Variants in ZNF385D observed in about 807,000 individuals in gnomAD.
ZNF385D encodes zinc finger protein 659.
In ZNF385D, 15 loss-of-function variants were observed where a neutral mutation model predicts 35.8. The observed-to-expected ratio is 0.42, with a 90% confidence interval of 0.28 to 0.64. The LOEUF is 0.64. Ranked by LOEUF, ZNF385D falls within the 30% of genes least tolerant of loss-of-function variation. ZNF385D has a pLI of 0.23. For missense variants in ZNF385D, 474 were observed against 494.6 expected, an observed-to-expected ratio of 0.96 and a Z score of 0.39; for synonymous variants, 212 against 186.8, an observed-to-expected ratio of 1.13 and a Z score of -1.10.
intron 3 of ZNF385D, among the ~76,000 whole-genome samples, chr3:21,545,512 G>A (rs62236075): frequency 0.15 from 23,406 of 152,188 alleles, 1,943 homozygotes; most frequent in Admixed American, 0.24. Context: ...CCTGTGATCA[G>A]AATTTGGAGC....
At chr3:22,283,454 T>C (rs770814088) in intron 2 of ZNF385D, among the ~76,000 whole-genome samples, 1 of 152,166 alleles carries the variant, frequency 6.6e-6, no homozygotes, top group African/African-American at 2.4e-5. Flanking sequence ...AAGTCAGATA[T>C]GTAAGCAGAT....
intron 3 of ZNF385D, among the ~76,000 whole-genome samples, chr3:21,866,903 C>T (rs1697394918): frequency 6.6e-6 from 1 of 152,086 alleles, no homozygotes; most frequent in East Asian, 1.9e-4. Context: ...TTATCAGTGC[C>T]TATTAGAATG....
intron 3 of ZNF385D, chr3:22,134,067 G>A (rs1416048709): frequency 6.6e-6 from 1 of 152,162 alleles, no homozygotes. Flanking sequence ...TCAATTTATA[G>A]ACTTAAATAC....
chr3:21,908,067 T>A (rs1699770913), intron 3 of ZNF385D, among the ~76,000 whole-genome samples: 1 of 152,014 alleles, frequency 6.6e-6, no homozygotes, highest in Admixed American at 6.6e-5. Context: ...TGATAGTAAC[T>A]AGGCAAAAAA....
chr3:22,173,660 A>T (rs1694619861), intron 2 of ZNF385D, among the ~76,000 whole-genome samples: 1 of 152,148 alleles, frequency 6.6e-6, no homozygotes, highest in African/African-American at 2.4e-5. Context: ...AGAATGAGGG[A>T]AACATTCACT....
chr3:22,266,517 A>AT (rs2125354023), intron 2 of ZNF385D, among the ~76,000 whole-genome samples: 1 of 151,994 alleles, frequency 6.6e-6, no homozygotes, highest in South Asian at 2.1e-4. Flanking sequence ...CTAATTAATA[A>AT]TAACAATACC....
At chr3:21,942,970 T>A (rs1253250219) in intron 3 of ZNF385D, among the ~76,000 whole-genome samples, 3 of 152,190 alleles carry the variant, frequency 2.0e-5, no homozygotes, top group East Asian at 1.9e-4. Context: ...CCCTTCTAGG[T>A]CCACACTGGA....
chr3:22,015,511 G>A (rs1223257290), intron 3 of ZNF385D, among the ~76,000 whole-genome samples: 2 of 151,998 alleles, frequency 1.3e-5, no homozygotes, highest in African/African-American at 4.8e-5. Flanking sequence ...TGCTTCATCA[G>A]TTTAGCACCT....
chr3:22,347,859 T>A (rs1171697150), intron 2 of ZNF385D, among the ~76,000 whole-genome samples: 1 of 152,146 alleles, frequency 6.6e-6, no homozygotes, highest in African/African-American at 2.4e-5. Context: ...AAGTTTCTTA[T>A]TTCAGTAAAC....
intron 2 of ZNF385D, among the ~76,000 whole-genome samples, chr3:22,261,874 G>C (rs1469310372): frequency 6.6e-6 from 1 of 151,818 alleles, no homozygotes; most frequent in African/African-American, 2.4e-5. Flanking sequence ...TGTGATTCTA[G>C]CCTATGGTAC....
chr3:21,638,413 TTAAA>T (rs1405667882), intron 2 of ZNF385D, among the ~76,000 whole-genome samples: 1 of 151,998 alleles, frequency 6.6e-6, no homozygotes, highest in Non-Finnish European at 1.5e-5. Context: ...CAAGCCTCCT[TTAAA>T]AGATTTTGGT....
At chr3:22,207,095 T>C (rs900430214) in intron 2 of ZNF385D, among the ~76,000 whole-genome samples, 6 of 151,838 alleles carry the variant, frequency 4.0e-5, no homozygotes, top group African/African-American at 1.4e-4. Flanking sequence ...CTTCTGAAAT[T>C]CAAAGGATTA....
intron 3 of ZNF385D, among the ~76,000 whole-genome samples, chr3:22,069,057 T>C (rs1700106837): frequency 6.6e-6 from 1 of 152,044 alleles, no homozygotes; most frequent in Non-Finnish European, 1.5e-5. Context: ...TCTCTAAAAT[T>C]ATATGTGTTC....
intron 2 of ZNF385D, among the ~76,000 whole-genome samples, chr3:22,248,390 G>A (rs1045674575): frequency 1.3e-5 from 2 of 152,154 alleles, no homozygotes; most frequent in African/African-American, 2.4e-5. Flanking sequence ...ACAATGTGAA[G>A]CACTGAGGAT....
intron 2 of ZNF385D, among the ~76,000 whole-genome samples, chr3:22,326,696 T>G (rs1395817601): frequency 6.6e-6 from 1 of 152,214 alleles, no homozygotes; most frequent in Non-Finnish European, 1.5e-5. Context: ...TGAACATTTC[T>G]GTTTTAAAAC....
intron 2 of ZNF385D, among the ~76,000 whole-genome samples, chr3:21,635,548 GTTGT>G (rs1234870990): frequency 1.8e-5 from 2 of 111,672 alleles, no homozygotes; most frequent in African/African-American, 3.1e-5. Context: ...TGTTGTTGTT[GTTGT>G]TTGTTTGTTT....
intron 3 of ZNF385D, among the ~76,000 whole-genome samples, chr3:21,982,521 G>C (rs1283079293): frequency 6.6e-6 from 1 of 152,064 alleles, no homozygotes; most frequent in African/African-American, 2.4e-5. Flanking sequence ...TAATCATGTT[G>C]TCTGCAAACA....
At chr3:21,740,313 G>C (rs1458493059) in intron 1 of ZNF385D, among the ~76,000 whole-genome samples, 1 of 152,120 alleles carries the variant, frequency 6.6e-6, no homozygotes, top group South Asian at 2.1e-4. Context: ...GGTGGACCAG[G>C]AACATTTAAC....
chr3:21,424,325 T>TATATATATATAC (rs1398095306), intron 6 of ZNF385D, among the ~76,000 whole-genome samples: 1 of 50,674 alleles, frequency 2.0e-5, no homozygotes, highest in Non-Finnish European at 4.5e-5. Context: ...ATATTTTTTT[T>TATATATATATAC]TTTTTTTGAG....
Sources: gnomAD v4.1 joint callset for allele counts (sites outside exome capture counted in the v4.1 genomes callset) on GRCh38, gnomAD v4.1.1 for gene constraint, MANE v1.5 for transcripts, NCBI Gene and HGNC (gene_info 2026-07-23, HGNC 2026-07-21) for gene names.